The following CEP152 variants were observed in gnomAD, a reference collection of about 807,000 sequenced individuals.
CEP152 encodes the protein centrosomal protein 152, also known as centrosomal protein of 152 kDa.
CEP152 carries 132 observed loss-of-function variants against 188.9 expected under a neutral mutation model. The ratio of observed to expected loss-of-function variants is 0.70; its 90% CI spans 0.61 to 0.81. The LOEUF (loss-of-function observed/expected upper bound fraction) is 0.81, where lower values mean the gene tolerates loss of function less well. Among genes scored for constraint, CEP152 ranks in the 30% least tolerant of loss-of-function variants. The pLI, the probability that CEP152 is intolerant of heterozygous loss-of-function variation, is 0.00. For missense variants in CEP152, 1,914 were observed against 1,969.8 expected (o/e 0.97, Z 0.54); for synonymous variants, 649 against 666.6 (o/e 0.97, Z 0.41).
At chr15:48,772,349 T>C (rs771166439) in intron 13 of CEP152, 138 bp downstream of exon 13, 12 of 729,302 alleles carry the variant, frequency 1.6e-5, no homozygotes, top group Non-Finnish European at 2.8e-5. Flanking sequence ...AGGTTGAGGC[T>C]ACAGGGAGCC....
At chr15:48,771,602 G>T (rs1402813673) in intron 13 of CEP152, among the ~76,000 whole-genome samples, 4 of 152,128 alleles carry the variant, frequency 2.6e-5, no homozygotes, top group Non-Finnish European at 5.9e-5. Flanking sequence ...TTATGGTAAA[G>T]GAATTTTACC....
chr15:48,761,899 A>G (rs1347172040), intron 18 of CEP152, among the ~76,000 whole-genome samples: 1 of 152,206 alleles, frequency 6.6e-6, no homozygotes, highest in Non-Finnish European at 1.5e-5. Flanking sequence ...AAGGAAAGGT[A>G]TTGGCACCAC....
chr15:48,771,229 A>G (rs1895511164), intron 13 of CEP152, among the ~76,000 whole-genome samples: 1 of 152,126 alleles, frequency 6.6e-6, no homozygotes, highest in Non-Finnish European at 1.5e-5. Context: ...CTTATTAGTC[A>G]TGTGTTTAGT....
chr15:48,744,417 C>T, intron 23 of CEP152, 74 bp from the exon 24 acceptor site: 1 of 1,573,164 alleles, frequency 6.4e-7, no homozygotes, highest in Non-Finnish European at 8.6e-7. Flanking sequence ...ATATATGTAT[C>T]CATATACTCT....
chr15:48,793,244 C>T (rs905012206), intron 7 of CEP152, 77 bp downstream of exon 7: 28 of 1,550,428 alleles, frequency 1.8e-5, no homozygotes, highest in African/African-American at 2.7e-5. Flanking sequence ...CTCTAAGCTT[C>T]GTATGTAATC....
chr15:48,745,247 G>A (rs1893316822), intron 22 of CEP152, among the ~76,000 whole-genome samples: 1 of 151,932 alleles, frequency 6.6e-6, no homozygotes, highest in Non-Finnish European at 1.5e-5. Context: ...TGTTTCAGAT[G>A]CCTGTGTTTT....
At position 48,755,916 on chromosome 15, in the gene CEP152, G is replaced by A; in HGVS notation, c.3332C>T (p.Pro1111Leu). Residue 1111 changes from proline (P) to leucine (L), a missense_variant, in exon 20 of 27, where the codon CCA (proline) becomes CTA (leucine). Transcript: ENST00000380950. ...TCAGGAACATACCTTTTTCCATTCT[G>A]GGTCAGCGTTTTCTACAAGCAGAGG... ...TLPLLVENAD[P>L]EWKKRNMAEL... The A allele has an allele frequency of 6.2e-7, 1 of 1,613,698 alleles. No homozygotes were observed. The highest frequency in any genetic ancestry group is 8.5e-7 in the Non-Finnish European group (1 of 1,179,868).
intron 1 of CEP152, chr15:48,810,755 T>C (rs1335697124): frequency 6.6e-6 from 1 of 152,324 alleles, no homozygotes; most frequent in African/African-American, 2.4e-5. Flanking sequence ...TTCCCATATG[T>C]CACTTCTAAG....
intron 24 of CEP152, 39 bp downstream of exon 24, chr15:48,744,201 G>A (rs1197542080): frequency 6.2e-7 from 1 of 1,609,150 alleles, no homozygotes. Flanking sequence ...TAATAAAAAA[G>A]GCCCAAGCCA....
At chr15:48,774,123 G>A (rs1895734811) in intron 12 of CEP152, among the ~76,000 whole-genome samples, 1 of 151,626 alleles carries the variant, frequency 6.6e-6, no homozygotes, top group Admixed American at 6.6e-5. Context: ...TACTGGATGG[G>A]GTTAATAGCA....
At chr15:48,741,455 G>T in intron 26 of CEP152, 146 bp downstream of exon 26, 1 of 1,517,402 alleles carries the variant, frequency 6.6e-7, no homozygotes, top group Non-Finnish European at 8.8e-7. Flanking sequence ...TACTCTTTTT[G>T]CGTAAACTTC....
chr15:48,746,074 T>C (rs1400415931), intron 22 of CEP152, among the ~76,000 whole-genome samples: 2 of 152,140 alleles, frequency 1.3e-5, no homozygotes. Flanking sequence ...ATCTATTTTT[T>C]AATAAACGCT....
chr15:48,745,615 G>T (rs1275821361), intron 22 of CEP152, among the ~76,000 whole-genome samples: 1 of 152,006 alleles, frequency 6.6e-6, no homozygotes, highest in African/African-American at 2.4e-5. Context: ...TGGGGGCAGG[G>T]GGTGGATCTC....
At chr15:48,740,927 A>G (rs770479358) in intron 26 of CEP152, 8 of 656,788 alleles carry the variant, frequency 1.2e-5, no homozygotes, top group Admixed American at 6.3e-5. Context: ...GGTTTAGAAC[A>G]CCAACTAATT....
At chr15:48,786,685 A>T (rs1456498047) in intron 9 of CEP152, among the ~76,000 whole-genome samples, 1 of 152,174 alleles carries the variant, frequency 6.6e-6, no homozygotes, top group Admixed American at 6.5e-5. Flanking sequence ...CTGTTAAAAA[A>T]AATAATAATA....
chr15:48,805,662 G>A lies in CEP152; in HGVS notation c.-7-6C>T. On this transcript the variant is annotated splice_region_variant and splice_polypyrimidine_tract_variant and intron_variant, in intron 1 of 26. Coordinates refer to ENST00000380950, the MANE Select transcript of CEP152 (RefSeq NM_001194998.2). ...AGTCTAATGACATGGTCCTCCTGTG[G>A]GAAGGGAAAGATGTTTGGTTTCTGG... The A allele has an allele frequency of 6.2e-7, 1 of 1,613,228 alleles. No individual in the cohort carries two copies. The highest frequency in any genetic ancestry group is 1.3e-5 in the African/African-American group (1 of 74,892).
Position 48,760,220 on chromosome 15 carries a change from A to G in CEP152, c.2609T>C (p.Leu870Pro). 2 of 1,614,112 alleles carry G rather than the reference A, an allele frequency of 1.2e-6. No individual in the cohort carries two copies. Among genetic ancestry groups the G allele is most frequent in the Non-Finnish European group, 1.7e-6 (2 of 1,179,968 alleles). Reference sequence around the variant, plus strand: ...TGCTTGATACTCTGCCAGCTCTGGTAGTTCTCCCAGCCATCGCTGATGAGC... The same window carrying G: ...TGCTTGATACTCTGCCAGCTCTGGTGGTTCTCCCAGCCATCGCTGATGAGC... ...QNAHQRWLGE[L>P]PELAEYQALV... Residue 870 changes from leucine to proline, a missense_variant, in exon 19 of 27, where the codon CTA becomes CCA. By Grantham distance (98) the Leu-to-Pro change is moderately conservative. Transcript: ENST00000380950.
chr15:48,752,702 G>A (rs1472542223), intron 20 of CEP152, among the ~76,000 whole-genome samples: 1 of 152,090 alleles, frequency 6.6e-6, no homozygotes, highest in Non-Finnish European at 1.5e-5. Context: ...GCGACTGGTG[G>A]GCAGCTATGA....
At chr15:48,807,638 C>T (rs1261433280) in intron 1 of CEP152, among the ~76,000 whole-genome samples, 1 of 151,788 alleles carries the variant, frequency 6.6e-6, no homozygotes, top group African/African-American at 2.4e-5. Flanking sequence ...AGAAAAAATC[C>T]TTTCTGTTTC....
Sources: gnomAD v4.1 joint callset for allele counts (sites outside exome capture counted in the v4.1 genomes callset) on GRCh38, gnomAD v4.1.1 for gene constraint, MANE v1.5 for transcripts, NCBI Gene and HGNC (gene_info 2026-07-23, HGNC 2026-07-21) for gene names.